The following CHRM3 variants were observed in gnomAD, a reference collection of about 807,000 sequenced individuals.
The protein encoded by CHRM3 is cholinergic receptor muscarinic 3, also known as muscarinic acetylcholine receptor M3.
CHRM3 carries 11 observed loss-of-function variants against 41.8 expected under a neutral mutation model. The ratio of observed to expected loss-of-function variants is 0.26; its 90% confidence interval spans 0.17 to 0.44. CHRM3 has a LOEUF of 0.44. CHRM3 is among the 20% of genes least tolerant of loss of function. CHRM3 has a pLI of 1.00. For synonymous variants in CHRM3, 297 were observed against 301.4 expected (o/e 0.99, Z 0.15); for missense variants, 571 against 745.4 (o/e 0.77, Z 2.72).
intron 3 of CHRM3, among the ~76,000 whole-genome samples, chr1:239,599,187 C>T (rs1665187652): frequency 6.6e-6 from 1 of 152,142 alleles, no homozygotes; most frequent in South Asian, 2.1e-4. Flanking sequence ...GAGATTCTCC[C>T]TTCATCACCC....
chr1:239,908,304 G>A lies in CHRM3; in HGVS notation c.853G>A (p.Gly285Ser). ...GACAGAAAACTTTGTCCACCCCACGGGCAGTTCTCGAAGCTGCAGCAGTTA... is the reference window on the plus strand; with the variant it reads ...GACAGAAAACTTTGTCCACCCCACGAGCAGTTCTCGAAGCTGCAGCAGTTA... ...AETENFVHPTGSSRSCSSYEL... is the reference protein window; with the variant it reads ...AETENFVHPTSSSRSCSSYEL... The change falls in exon 7 of 7, where the codon GGC becomes AGC. Residue 285 changes from glycine to serine, a missense_variant. By Grantham distance (56) the Gly-to-Ser change is moderately conservative. Coordinates refer to ENST00000676153, the MANE Select transcript of CHRM3 (RefSeq NM_001375978.1). The surrounding 1 kb of genome is among the most constrained non-coding windows in gnomAD (Gnocchi z 7.2). 6.2e-7 allele frequency: 1 copy of A among 1,614,060 alleles called. No homozygotes were observed. Among genetic ancestry groups the A allele is most frequent in the Non-Finnish European group, 8.5e-7 (1 of 1,180,008 alleles).
intron 5 of CHRM3, among the ~76,000 whole-genome samples, chr1:239,761,520 C>T (rs984977638): frequency 6.6e-5 from 10 of 152,136 alleles, no homozygotes; most frequent in East Asian, 1.9e-4. Context: ...AATGTTTTAT[C>T]GTTGTTTGGG....
chr1:239,770,128 A>AG (rs1371469135), intron 5 of CHRM3, among the ~76,000 whole-genome samples: 1 of 152,190 alleles, frequency 6.6e-6, no homozygotes, highest in African/African-American at 2.4e-5. Context: ...AAAATTCCAC[A>AG]GTGCTTGGAG....
At chr1:239,403,193 G>A (rs868345742) in intron 1 of CHRM3, among the ~76,000 whole-genome samples, 11 of 151,988 alleles carry the variant, frequency 7.2e-5, no homozygotes, top group Admixed American at 1.3e-4. Flanking sequence ...TTCTCCATAC[G>A]CCTCGTAGAC....
chr1:239,781,569 C>A (rs1043936839), intron 5 of CHRM3, among the ~76,000 whole-genome samples: 1 of 152,052 alleles, frequency 6.6e-6, no homozygotes, highest in Non-Finnish European at 1.5e-5. Flanking sequence ...CATGCCAATA[C>A]AGTTTTATTT....
chr1:239,808,835 G>A (rs928583788), intron 5 of CHRM3, among the ~76,000 whole-genome samples: 2 of 152,096 alleles, frequency 1.3e-5, no homozygotes, highest in South Asian at 2.1e-4. Flanking sequence ...GCTTGTATTG[G>A]TGCAGTGGAC....
intron 5 of CHRM3, among the ~76,000 whole-genome samples, chr1:239,758,597 C>T (rs73122574): frequency 0.062 from 9,481 of 152,198 alleles, 728 homozygotes; most frequent in African/African-American, 0.17. Flanking sequence ...TTTGAGCTAA[C>T]TGAAATTATT....
chr1:239,832,509 G>A (rs1313124800), intron 6 of CHRM3, among the ~76,000 whole-genome samples: 4 of 151,984 alleles, frequency 2.6e-5, no homozygotes, highest in East Asian at 1.9e-4. Flanking sequence ...AACTGTTACC[G>A]GGAAGGGGTC....
At chr1:239,485,763 C>G (rs1373453605) in intron 1 of CHRM3, among the ~76,000 whole-genome samples, 3 of 152,266 alleles carry the variant, frequency 2.0e-5, no homozygotes, top group African/African-American at 4.8e-5. Flanking sequence ...CCCTTTTGCT[C>G]TCTCCTAGAA....
At chr1:239,807,767 G>A (rs529930) in intron 5 of CHRM3, among the ~76,000 whole-genome samples, 149,316 of 152,078 alleles carry the variant, frequency 0.98, 73,351 homozygotes, top group East Asian at 1. Context: ...AAGAGAAGCA[G>A]ATTTGCTGTA....
chr1:239,867,187 A>G (rs1676184633), intron 6 of CHRM3, among the ~76,000 whole-genome samples: 1 of 152,252 alleles, frequency 6.6e-6, no homozygotes, highest in African/African-American at 2.4e-5. Flanking sequence ...GTAGAATTAT[A>G]AAATAATTAA....
intron 1 of CHRM3, among the ~76,000 whole-genome samples, chr1:239,480,998 A>C (rs1194191779): frequency 2.0e-5 from 3 of 152,222 alleles, no homozygotes; most frequent in African/African-American, 7.2e-5. Context: ...TTTTAACATT[A>C]TTTACATGAA....
intron 5 of CHRM3, among the ~76,000 whole-genome samples, chr1:239,770,397 G>C: frequency 6.6e-6 from 1 of 152,280 alleles, no homozygotes; most frequent in African/African-American, 2.4e-5. Context: ...ATGGTCAAGT[G>C]AAAGACATAA....
intron 5 of CHRM3, among the ~76,000 whole-genome samples, chr1:239,747,029 T>C (rs1258761980): frequency 6.6e-6 from 1 of 152,138 alleles, no homozygotes; most frequent in Non-Finnish European, 1.5e-5. Flanking sequence ...GTGCTGGAAT[T>C]ACCAGCATGA....
At chr1:239,741,844 T>A (rs903654921) in intron 5 of CHRM3, among the ~76,000 whole-genome samples, 1 of 152,220 alleles carries the variant, frequency 6.6e-6, no homozygotes, top group African/African-American at 2.4e-5. Flanking sequence ...TAAAAGAAAG[T>A]AAGATATTCT....
chr1:239,668,089 C>CTTTTTTTTTT (rs1221135009), intron 4 of CHRM3, among the ~76,000 whole-genome samples: 9 of 75,598 alleles, frequency 1.2e-4, no homozygotes, highest in East Asian at 3.6e-4. Flanking sequence ...TTTCCCCTTT[C>CTTTTTTTTTT]TTTTTTTTTT....
At chr1:239,443,389 G>A (rs1205162108) in intron 1 of CHRM3, among the ~76,000 whole-genome samples, 4 of 151,822 alleles carry the variant, frequency 2.6e-5, no homozygotes, top group African/African-American at 7.3e-5. Context: ...GTAATGTCAC[G>A]AATGCAAAAT....
rs1195630914 is a variant in CHRM3, at chr1:239,910,160, C to T, written c.*936C>T. On this transcript the variant is annotated 3_prime_UTR_variant, in exon 7 of 7. Coordinates refer to ENST00000676153, the MANE Select transcript of CHRM3 (RefSeq NM_001375978.1). ...TGTTGATGTCTCAACAGAGCTAAAT[C>T]GGGGCCCCTCTGAGCTCAAAGAATG... 2 of 166,974 alleles carry T rather than the reference C, an allele frequency of 1.2e-5. No individual in the cohort carries two copies. The highest frequency in any genetic ancestry group is 2.9e-5 in the Non-Finnish European group (2 of 68,098). The allele number at this position is 166,974 out of a possible 1,614,324, so 10.3% of individuals were successfully genotyped here.
intron 5 of CHRM3, among the ~76,000 whole-genome samples, chr1:239,754,967 G>A (rs1375440942): frequency 6.6e-6 from 1 of 152,104 alleles, no homozygotes; most frequent in African/African-American, 2.4e-5. Flanking sequence ...ACTGACCCAA[G>A]GCTATCCTAT....
Sources: allele counts gnomAD v4.1 joint callset (sites outside exome capture counted in the v4.1 genomes callset), GRCh38; gene constraint gnomAD v4.1.1; non-coding constraint Gnocchi (gnomAD v3.1); transcripts MANE v1.5; gene names NCBI Gene and HGNC (gene_info 2026-07-23, HGNC 2026-07-21).